Variants in SASH1 observed in about 807,000 individuals in gnomAD.
The protein encoded by SASH1 is SAM and SH3 domain-containing protein 1.
A neutral mutation model predicts 125.2 loss-of-function variants in SASH1; 44 were observed. The observed-to-expected ratio is 0.35, with a 90% confidence interval of 0.28 to 0.45. The LOEUF (loss-of-function observed/expected upper bound fraction) is 0.45. Ranked by LOEUF, SASH1 falls within the 20% of genes least tolerant of loss-of-function variation. SASH1 has a pLI of 1.00. For missense variants in SASH1, 1,426 were observed against 1,614.5 expected (o/e 0.88, Z 2.00); for synonymous variants, 639 against 649.1 (o/e 0.98, Z 0.24).
At chr6:148,217,652 G>A in the SASH1 span, among the ~76,000 whole-genome samples, 1 of 152,008 alleles carries the variant, frequency 6.6e-6, no homozygotes, top group Non-Finnish European at 1.5e-5. Flanking sequence ...AGTCTAAACT[G>A]CTAAGATGCT....
In SASH1 at chr6:148,343,118, CGAGCCGGAGCCCGAGCCCGCGCCG is replaced by C; in HGVS notation, c.60_83del (p.Ala24_Pro31del). On this transcript the variant is annotated inframe_deletion, in exon 1 of 20. Transcript: ENST00000367467. ...CGGGGCCGGAGCCTGAGCCCGAGCCCGAGCCGGAGCCCGAGCCCGCGCCGGAGCCGGAACCGGAGCCCAAGCCGG... is the reference window on the plus strand; with the variant it reads ...CGGGGCCGGAGCCTGAGCCCGAGCCCGAGCCGGAACCGGAGCCCAAGCCGG... The C allele has an allele frequency of 3.8e-6, 6 of 1,588,310 alleles. No individual in the cohort carries two copies. The highest frequency in any genetic ancestry group is 5.1e-6 in the Non-Finnish European group (6 of 1,174,182).
At chr6:148,275,970 C>G (rs1035636285) in intron 1 of SASH1, among the ~76,000 whole-genome samples, 2 of 152,370 alleles carry the variant, frequency 1.3e-5, no homozygotes, top group East Asian at 3.9e-4. Flanking sequence ...ATCCTCCTGC[C>G]TCAGCCTCCC....
At chr6:148,494,939 G>A (rs955671977) in intron 8 of SASH1, among the ~76,000 whole-genome samples, 1 of 152,120 alleles carries the variant, frequency 6.6e-6, no homozygotes, top group Admixed American at 6.5e-5. Context: ...ATCTTTTTGG[G>A]ACTTTCTAAA....
At chr6:148,494,484 T>C (rs576189265) in intron 8 of SASH1, among the ~76,000 whole-genome samples, 1 of 152,058 alleles carries the variant, frequency 6.6e-6, no homozygotes, top group South Asian at 2.1e-4. Flanking sequence ...TGGGGAGTTT[T>C]AGAGTTGGGA....
At chr6:148,194,643 C>T in the SASH1 span, among the ~76,000 whole-genome samples, 3 of 152,172 alleles carry the variant, frequency 2.0e-5, no homozygotes, top group East Asian at 1.9e-4. Context: ...TGCGGTGGCT[C>T]GTGCCTGTAA....
At chr6:148,197,056 G>A in the SASH1 span, among the ~76,000 whole-genome samples, 1 of 152,202 alleles carries the variant, frequency 6.6e-6, no homozygotes, top group Non-Finnish European at 1.5e-5. Flanking sequence ...CCAAACAGAG[G>A]ATCTTAGACT....
At chr6:148,453,457 A>G (rs1777197360) in intron 4 of SASH1, among the ~76,000 whole-genome samples, 2 of 152,154 alleles carry the variant, frequency 1.3e-5, no homozygotes, top group African/African-American at 4.8e-5. Context: ...TGCAGATGGT[A>G]TTCTACAGTT....
chr6:148,470,212 C>A (rs1371508478), intron 5 of SASH1, among the ~76,000 whole-genome samples: 1 of 152,206 alleles, frequency 6.6e-6, no homozygotes, highest in Non-Finnish European at 1.5e-5. Flanking sequence ...GAAGCTCTGT[C>A]TTTGGCGGAA....
At chr6:148,524,973 C>T (rs1033246799) in intron 10 of SASH1, 2 of 291,454 alleles carry the variant, frequency 6.9e-6, no homozygotes, top group Non-Finnish European at 6.6e-6. Context: ...CAGGGAATCT[C>T]ACAGCACTGG....
chr6:148,208,147 G>A, the SASH1 span, among the ~76,000 whole-genome samples: 1 of 152,108 alleles, frequency 6.6e-6, no homozygotes, highest in Non-Finnish European at 1.5e-5. Flanking sequence ...GCTCAGGACG[G>A]CAACATGATA....
chr6:148,536,085 C>T (rs1024318672), intron 16 of SASH1, among the ~76,000 whole-genome samples: 1 of 152,072 alleles, frequency 6.6e-6, no homozygotes, highest in African/African-American at 2.4e-5. Flanking sequence ...GATTTGGAGG[C>T]AATTGTGATT....
the SASH1 span, among the ~76,000 whole-genome samples, chr6:148,244,832 G>A: frequency 6.6e-6 from 1 of 152,098 alleles, no homozygotes; most frequent in African/African-American, 2.4e-5. Context: ...TTGCCTGGCT[G>A]TAAGGAAGAA....
intron 8 of SASH1, among the ~76,000 whole-genome samples, chr6:148,488,436 A>G (rs971722903): frequency 7.9e-5 from 12 of 152,196 alleles, no homozygotes; most frequent in Non-Finnish European, 1.6e-4. Flanking sequence ...CATTATGAAC[A>G]ATGCTGCTCT....
intron 8 of SASH1, among the ~76,000 whole-genome samples, chr6:148,500,841 C>T (rs1473075853): frequency 6.6e-6 from 1 of 151,742 alleles, no homozygotes; most frequent in Non-Finnish European, 1.5e-5. Context: ...TTTTGTTAGT[C>T]GTTGTGAGAA....
chr6:148,542,857 T>TGA lies in SASH1; in HGVS notation c.2210-822_2210-821insAG, dbSNP rs1458105541. 1.1e-4 allele frequency among the ~76,000 whole-genome samples: 17 copies of TGA among 149,474 alleles called. 1 individual carries two copies. In the East Asian group the frequency reaches 2.6e-3, roughly 23 times the overall value. ...CAAAAATGTAACAAGGGACAGTGTG[T>TGA]GTGTGTGTGTGTGTGTGTGTGTGCG... On this transcript the variant is annotated intron_variant, in intron 17 of 19. Transcript: ENST00000367467.
At chr6:148,446,141 C>A (rs1436502077) in intron 4 of SASH1, among the ~76,000 whole-genome samples, 1 of 87,718 alleles carries the variant, frequency 1.1e-5, no homozygotes, top group Non-Finnish European at 2.2e-5. Flanking sequence ...CGGAGCCTCA[C>A]TCTGTCGCCC....
intron 1 of SASH1, among the ~76,000 whole-genome samples, chr6:148,387,657 T>C (rs1199767803): frequency 9.9e-6 from 1 of 100,734 alleles, no homozygotes; most frequent in Non-Finnish European, 2.0e-5. Flanking sequence ...TCTTTCTTTC[T>C]TTCTTTCTTT....
intron 1 of SASH1, among the ~76,000 whole-genome samples, chr6:148,286,273 T>C (rs907006093): frequency 6.6e-6 from 1 of 151,850 alleles, no homozygotes; most frequent in Non-Finnish European, 1.5e-5. Context: ...TGGTGGCGTA[T>C]GCTTGTAGTC....
At chr6:148,516,501 C>A (rs1268837728) in intron 9 of SASH1, among the ~76,000 whole-genome samples, 1 of 132,656 alleles carries the variant, frequency 7.5e-6, no homozygotes, top group Non-Finnish European at 1.6e-5. Context: ...CCCCCTCCCC[C>A]CTCCCCCCTC....
Sources: allele counts gnomAD v4.1 joint callset (sites outside exome capture counted in the v4.1 genomes callset), GRCh38; gene constraint gnomAD v4.1.1; transcripts MANE v1.5; gene names NCBI Gene and HGNC (gene_info 2026-07-23, HGNC 2026-07-21).